The following MYO1D variants were observed in gnomAD, a reference collection of about 807,000 sequenced individuals.
MYO1D encodes the protein unconventional myosin-Id.
Under a neutral mutation model 122.0 loss-of-function variants are expected in MYO1D, and 83 were observed. The ratio of observed to expected loss-of-function variants is 0.68; its 90% CI spans 0.57 to 0.82. MYO1D has a LOEUF of 0.82. Among genes scored for constraint, MYO1D ranks in the 40% least tolerant of loss-of-function variants. The pLI, the probability that MYO1D is intolerant of heterozygous loss-of-function variation, is 0.00. For missense variants in MYO1D, 1,157 were observed against 1,269.5 expected (o/e 0.91, Z 1.35); for synonymous variants, 464 against 446.9 (o/e 1.04, Z -0.48).
At chr17:32,841,871 A>G (rs2090886230) in intron 1 of MYO1D, among the ~76,000 whole-genome samples, 1 of 152,176 alleles carries the variant, frequency 6.6e-6, no homozygotes, top group Admixed American at 6.5e-5. Context: ...TCTGGGAAGC[A>G]GGAAGGTGAT....
chr17:32,537,690 G>T (rs1158618395), intron 21 of MYO1D, among the ~76,000 whole-genome samples: 1 of 152,182 alleles, frequency 6.6e-6, no homozygotes, highest in East Asian at 1.9e-4. Flanking sequence ...GCGGTCCATA[G>T]AGAGAGAAAT....
intron 1 of MYO1D, among the ~76,000 whole-genome samples, chr17:32,804,301 T>C (rs946962564): frequency 5.9e-5 from 9 of 152,144 alleles, no homozygotes; most frequent in African/African-American, 1.9e-4. Context: ...TACTTTCTAT[T>C]AGCAGTTGAT....
chr17:32,560,853 C>T (rs1026867347), intron 21 of MYO1D, among the ~76,000 whole-genome samples: 7 of 149,980 alleles, frequency 4.7e-5, no homozygotes, highest in African/African-American at 1.2e-4. Flanking sequence ...TTCCCGATCT[C>T]GTGATCTGCC....
intron 15 of MYO1D, among the ~76,000 whole-genome samples, chr17:32,717,481 T>C (rs1213482943): frequency 6.6e-6 from 1 of 152,220 alleles, no homozygotes; most frequent in Non-Finnish European, 1.5e-5. Context: ...TCCTGCCACA[T>C]GTTTCCTTTC....
At chr17:32,543,444 C>T (rs1201380945) in intron 21 of MYO1D, among the ~76,000 whole-genome samples, 3 of 150,056 alleles carry the variant, frequency 2.0e-5, no homozygotes, top group Non-Finnish European at 4.4e-5. Flanking sequence ...GGCGTGGTGG[C>T]GGGCCCCTGT....
At chr17:32,679,699 C>T (rs1399100829) in intron 16 of MYO1D, among the ~76,000 whole-genome samples, 1 of 152,180 alleles carries the variant, frequency 6.6e-6, no homozygotes, top group Non-Finnish European at 1.5e-5. Context: ...AGTGTGATTC[C>T]TCCAGCTTTG....
intron 21 of MYO1D, among the ~76,000 whole-genome samples, chr17:32,569,321 C>T (rs1283846106): frequency 6.6e-6 from 1 of 152,200 alleles, no homozygotes; most frequent in Non-Finnish European, 1.5e-5. Flanking sequence ...GACACTAAGT[C>T]AGCTAAGCGC....
At chr17:32,626,449 GTTTC>G (rs2087929227) in intron 20 of MYO1D, among the ~76,000 whole-genome samples, 1 of 152,154 alleles carries the variant, frequency 6.6e-6, no homozygotes, top group South Asian at 2.1e-4. Context: ...AAGGCATTGT[GTTTC>G]TTTAACAACG....
rs541217998 is a variant in MYO1D, at chr17:32,614,667, C to CA, written c.2710-9427dup. Among the ~76,000 whole-genome samples, 79 of 152,320 alleles carry CA rather than the reference C, an allele frequency of 5.2e-4. 1 individual carries two copies. Among genetic ancestry groups the CA allele is most frequent in the Middle Eastern group, 3.4e-3 (1 of 294 alleles). On this transcript the variant is annotated intron_variant, in intron 20 of 21. Transcript: ENST00000318217. ...CCTTACTCCTCAACTAGCTATAACT[C>CA]AGGAAGCTCAGCTGTGTGGGCTCAT...
At position 32,765,246 on chromosome 17, in the gene MYO1D, C is replaced by T. The variant is rs1021574252; in HGVS notation, c.832-165G>A. Among the ~76,000 whole-genome samples, 4 of 152,222 alleles carry T rather than the reference C, an allele frequency of 2.6e-5. 1 individual carries two copies. The highest frequency in any genetic ancestry group is 1.9e-4 in the East Asian group (1 of 5,192). On this transcript the variant is annotated intron_variant, in intron 7 of 21. Coordinates refer to ENST00000318217, the MANE Select transcript of MYO1D (RefSeq NM_015194.3). ...GTTTCATCTACTTTTTCCCTTTCTC[C>T]GGACACTCATCTATCTTTTTGCTTT...
At chr17:32,539,276 TAC>T (rs5819986) in intron 21 of MYO1D, among the ~76,000 whole-genome samples, 28,128 of 133,088 alleles carry the variant, frequency 0.21, 3,125 homozygotes, top group East Asian at 0.47. Context: ...ACCCTGTCTC[TAC>T]ACACACACAC....
chr17:32,751,169 G>T (rs541016972), intron 11 of MYO1D, among the ~76,000 whole-genome samples: 2 of 151,832 alleles, frequency 1.3e-5, no homozygotes, highest in Non-Finnish European at 2.9e-5. Context: ...TTATTTGCCT[G>T]TCTCTCCATG....
At chr17:32,747,769 G>A (rs1056052742) in intron 12 of MYO1D, among the ~76,000 whole-genome samples, 1 of 151,922 alleles carries the variant, frequency 6.6e-6, no homozygotes, top group African/African-American at 2.4e-5. Context: ...CCTGGGAGGC[G>A]GAGGTTGCAG....
intron 15 of MYO1D, among the ~76,000 whole-genome samples, chr17:32,714,985 C>T (rs1159977886): frequency 6.6e-6 from 1 of 151,626 alleles, no homozygotes; most frequent in African/African-American, 2.4e-5. Context: ...ATCAAACAAC[C>T]CCATTAAAAA....
intron 16 of MYO1D, among the ~76,000 whole-genome samples, chr17:32,707,119 C>T (rs1310469863): frequency 6.6e-6 from 1 of 152,016 alleles, no homozygotes; most frequent in African/African-American, 2.4e-5. Context: ...CAAATGACAA[C>T]TCTAACAAAA....
chr17:32,731,118 A>C (rs2089634572), intron 14 of MYO1D, among the ~76,000 whole-genome samples: 1 of 152,164 alleles, frequency 6.6e-6, no homozygotes, highest in East Asian at 1.9e-4. Flanking sequence ...TGTGTTAGCC[A>C]GAATGGTCTT....
At chr17:32,865,117 C>A (rs575843839) in intron 1 of MYO1D, among the ~76,000 whole-genome samples, 1 of 152,006 alleles carries the variant, frequency 6.6e-6, no homozygotes, top group Admixed American at 6.6e-5. Context: ...TCTGTAAAAC[C>A]CAAAGCTGAT....
chr17:32,517,390 G>T (rs751563190), intron 21 of MYO1D, among the ~76,000 whole-genome samples: 1 of 152,228 alleles, frequency 6.6e-6, no homozygotes, highest in African/African-American at 2.4e-5. Flanking sequence ...ATCAGTGTCA[G>T]CTTTACAGCT....
At chr17:32,514,564 C>T (rs541792592) in intron 21 of MYO1D, among the ~76,000 whole-genome samples, 2 of 152,248 alleles carry the variant, frequency 1.3e-5, no homozygotes, top group African/African-American at 2.4e-5. Context: ...CCTTGCTTTG[C>T]AAATAGCAGG....
Sources: gnomAD v4.1 joint callset for allele counts (sites outside exome capture counted in the v4.1 genomes callset) on GRCh38, gnomAD v4.1.1 for gene constraint, MANE v1.5 for transcripts, NCBI Gene and HGNC (gene_info 2026-07-23, HGNC 2026-07-21) for gene names.